The following MED13L variants were observed in gnomAD, a reference collection of about 807,000 sequenced individuals.
The protein encoded by MED13L is mediator complex subunit 13L.
In MED13L, 7 loss-of-function variants were observed where a neutral mutation model predicts 220.9. The ratio of observed to expected loss-of-function variants is 0.03; its 90% CI spans 0.02 to 0.06. The LOEUF (loss-of-function observed/expected upper bound fraction) is 0.06. MED13L is among the 10% of genes least tolerant of loss of function. The pLI is 1.00. For synonymous variants in MED13L, 1,011 were observed against 1,015.2 expected, an observed-to-expected ratio of 1.00 and a Z score of 0.08; for missense variants, 1,965 against 2,760.5, an observed-to-expected ratio of 0.71 and a Z score of 6.46.
At chr12:116,160,964 G>A (rs1593115036) in intron 2 of MED13L, among the ~76,000 whole-genome samples, 1 of 152,208 alleles carries the variant, frequency 6.6e-6, no homozygotes, top group East Asian at 1.9e-4. Context: ...CAGAATATCT[G>A]AGACTCGGTA....
In MED13L at chr12:116,007,452, A is replaced by C; in HGVS notation, c.2197T>G (p.Cys733Gly). Reference sequence around the variant, plus strand: ...GAATCTTTCTCCGTCCCTTGTTTGCATTTCTTGTTGGCTGTAAAGATGTAT... The same window carrying C: ...GAATCTTTCTCCGTCCCTTGTTTGCCTTTCTTGTTGGCTGTAAAGATGTAT... ...IKYIFTANKK[C>G]KQGTEKDSLK... Residue 733 changes from cysteine to glycine, a missense_variant, in exon 11 of 31, where the codon TGC (cysteine) becomes GGC (glycine). This residue lies in a region of MED13L where 818 missense variants were observed against 1,041.2 expected (regional missense o/e 0.79). Transcript: ENST00000281928. The C allele has an allele frequency of 1.2e-6, 2 of 1,613,776 alleles. No individual in the cohort carries two copies. Among genetic ancestry groups the C allele is most frequent in the Non-Finnish European group, 1.7e-6 (2 of 1,179,872 alleles).
chr12:116,155,991 A>C (rs1224714847), intron 2 of MED13L, among the ~76,000 whole-genome samples: 1 of 150,432 alleles, frequency 6.6e-6, no homozygotes, highest in Non-Finnish European at 1.5e-5. Context: ...TATTTTTCTT[A>C]CTCAACTCAA....
intron 2 of MED13L, among the ~76,000 whole-genome samples, chr12:116,115,494 C>A (rs1411522600): frequency 1.3e-5 from 2 of 151,858 alleles, no homozygotes; most frequent in Non-Finnish European, 2.9e-5. Flanking sequence ...AACTGATAAA[C>A]AGAGTTTCAT....
chr12:116,241,763 T>C (rs1266083981), intron 1 of MED13L, among the ~76,000 whole-genome samples: 1 of 152,182 alleles, frequency 6.6e-6, no homozygotes, highest in African/African-American at 2.4e-5. Context: ...TCCTTTAAAG[T>C]TAAAAACTAA....
intron 2 of MED13L, among the ~76,000 whole-genome samples, chr12:116,151,284 T>G (rs145826983): frequency 0.021 from 3,132 of 152,264 alleles, 58 homozygotes; most frequent in Middle Eastern, 0.054. Flanking sequence ...TATAATTGGT[T>G]GAGATCAAAG....
chr12:116,188,340 C>T (rs1162160880), intron 2 of MED13L, among the ~76,000 whole-genome samples: 3 of 151,952 alleles, frequency 2.0e-5, no homozygotes, highest in African/African-American at 7.3e-5. Flanking sequence ...CATTGAAGAT[C>T]CTCAATTTTC....
At chr12:116,177,415 G>A (rs1880157784) in intron 2 of MED13L, among the ~76,000 whole-genome samples, 1 of 151,988 alleles carries the variant, frequency 6.6e-6, no homozygotes, top group Non-Finnish European at 1.5e-5. Flanking sequence ...AATATTCTTA[G>A]GTAAAAACAA....
At chr12:116,001,561 A>G (rs1878743331) in intron 14 of MED13L, among the ~76,000 whole-genome samples, 1 of 151,968 alleles carries the variant, frequency 6.6e-6, no homozygotes, top group Non-Finnish European at 1.5e-5. Context: ...TTGCCAGGCT[A>G]TTTTCATTGT....
intron 2 of MED13L, among the ~76,000 whole-genome samples, chr12:116,151,652 A>C (rs1008457426): frequency 2.6e-5 from 4 of 152,228 alleles, no homozygotes; most frequent in Non-Finnish European, 4.4e-5. Context: ...GGAAAATCAA[A>C]ATTAGCCATA....
At chr12:116,051,123 G>C (rs1318078536) in intron 4 of MED13L, among the ~76,000 whole-genome samples, 2 of 151,946 alleles carry the variant, frequency 1.3e-5, no homozygotes, top group Non-Finnish European at 1.5e-5. Flanking sequence ...GTTGTTTATA[G>C]ATTATCATAC....
chr12:116,258,197 T>C (rs1313811840), intron 1 of MED13L, among the ~76,000 whole-genome samples: 4 of 152,236 alleles, frequency 2.6e-5, no homozygotes, highest in Admixed American at 2.0e-4. Context: ...AATGTACTAC[T>C]GGTTAAAAGT....
chr12:116,236,426 G>A (rs1331455113), intron 2 of MED13L, among the ~76,000 whole-genome samples: 1 of 151,950 alleles, frequency 6.6e-6, no homozygotes, highest in Non-Finnish European at 1.5e-5. Flanking sequence ...GCAAAAGTTG[G>A]CAGGAAATCC....
chr12:116,189,875 T>C (rs547785828), intron 2 of MED13L, among the ~76,000 whole-genome samples: 2 of 152,304 alleles, frequency 1.3e-5, no homozygotes, highest in East Asian at 3.9e-4. Flanking sequence ...ATTTTGTGTG[T>C]TTATTTTGTT....
chr12:116,043,742 AC>A lies in MED13L; in HGVS notation c.480-21142del, dbSNP rs1234099066. On this transcript the variant is annotated intron_variant, in intron 4 of 30. Coordinates refer to ENST00000281928, the MANE Select transcript of MED13L (RefSeq NM_015335.5). ...AATAAAGCCACTCAGCTCAATCCATACCCCTACGCACTGGCAGATTCTTCTC... is the reference window on the plus strand; with the variant it reads ...AATAAAGCCACTCAGCTCAATCCATACCCTACGCACTGGCAGATTCTTCTC... 9.2e-5 allele frequency among the ~76,000 whole-genome samples: 14 copies of A among 152,214 alleles called. No individual in the cohort carries two copies. In the East Asian group the frequency reaches 2.7e-3, roughly 29 times the overall value.
intron 2 of MED13L, among the ~76,000 whole-genome samples, chr12:116,204,737 A>T (rs1423824810): frequency 6.6e-6 from 1 of 152,018 alleles, no homozygotes; most frequent in Non-Finnish European, 1.5e-5. Context: ...CCTGCCCTTT[A>T]TCCTAAACCT....
chr12:116,276,558 C>T (rs911613921), intron 1 of MED13L: 2 of 1,248,070 alleles, frequency 1.6e-6, no homozygotes, highest in African/African-American at 3.2e-5. Flanking sequence ...CAATCGCATT[C>T]AATCAACTAT....
chr12:116,167,219 T>C (rs764010199), intron 2 of MED13L, among the ~76,000 whole-genome samples: 6 of 152,152 alleles, frequency 3.9e-5, no homozygotes, highest in Admixed American at 1.3e-4. Context: ...GAATATATTT[T>C]ATTGTTACAA....
At chr12:116,127,241 A>G (rs1875668238) in intron 2 of MED13L, among the ~76,000 whole-genome samples, 1 of 152,194 alleles carries the variant, frequency 6.6e-6, no homozygotes, top group Non-Finnish European at 1.5e-5. Flanking sequence ...GATCTGTTAT[A>G]TAATAATTCA....
intron 3 of MED13L, among the ~76,000 whole-genome samples, chr12:116,099,888 G>T (rs1872919275): frequency 6.6e-6 from 1 of 152,156 alleles, no homozygotes; most frequent in Non-Finnish European, 1.5e-5. Context: ...GTCATCAAAA[G>T]GTTGTTACAC....
Sources: allele counts gnomAD v4.1 joint callset (sites outside exome capture counted in the v4.1 genomes callset), GRCh38; gene constraint gnomAD v4.1.1; regional missense constraint gnomAD v4.1.1; transcripts MANE v1.5; gene names NCBI Gene and HGNC (gene_info 2026-07-23, HGNC 2026-07-21).